Variants in SFSWAP observed in about 807,000 individuals in gnomAD.
SFSWAP encodes splicing factor SWAP.
SFSWAP carries 17 observed loss-of-function variants against 100.7 expected under a neutral mutation model. The ratio of observed to expected loss-of-function variants is 0.17; its 90% CI spans 0.12 to 0.25. The LOEUF (loss-of-function observed/expected upper bound fraction) is 0.25, where lower values mean the gene tolerates loss of function less well. Among genes scored for constraint, SFSWAP ranks in the 10% least tolerant of loss-of-function variants. SFSWAP has a pLI of 1.00. For missense variants in SFSWAP, 1,005 were observed against 1,262.6 expected (o/e 0.80, Z 3.09); for synonymous variants, 504 against 510.1 (o/e 0.99, Z 0.16).
chr12:131,778,131 C>T lies in SFSWAP; in HGVS notation c.2209C>T (p.Pro737Ser), dbSNP rs779217591. 6.2e-7 allele frequency: 1 copy of T among 1,613,998 alleles called. No homozygotes were observed. Among genetic ancestry groups the T allele is most frequent in the South Asian group, 1.1e-5 (1 of 91,082 alleles). ...GRPLPTLEVK[P>S]PDRPSSKSKD... ...GCCTCTGCCTACTTTAGAAGTTAAA[C>T]CACCCGATAGGCCTTCGAGCAAAAG... Residue 737 changes from proline to serine, a missense_variant, in exon 14 of 18, where the codon CCA becomes TCA. By Grantham distance (74) the Pro-to-Ser change is moderately conservative. This residue lies in a region of SFSWAP where 295 missense variants were observed against 347.9 expected (regional missense o/e 0.85). Transcript: ENST00000261674. This position sits in a 1 kb window ranked among gnomAD's most constrained non-coding sequence, Gnocchi z 4.2.
chr12:131,781,684 G>A (rs899940305), intron 14 of SFSWAP, among the ~76,000 whole-genome samples: 14 of 152,046 alleles, frequency 9.2e-5, no homozygotes, highest in Non-Finnish European at 1.8e-4. Context: ...ATTTTAATCC[G>A]ACCTACGTTT....
intron 16 of SFSWAP, among the ~76,000 whole-genome samples, chr12:131,797,964 C>T (rs894964876): frequency 2.6e-5 from 4 of 152,218 alleles, no homozygotes; most frequent in African/African-American, 7.2e-5. Context: ...ATGGGAGTAA[C>T]GCGCAACTGT....
Position 131,734,800 on chromosome 12 carries a change from C to T in SFSWAP, c.1081+6372C>T, listed in dbSNP as rs1593126621. Among the ~76,000 whole-genome samples the T allele has an allele frequency of 6.6e-6, 1 of 152,256 alleles. No homozygotes were observed. The highest frequency in any genetic ancestry group is 3.4e-3 in the Middle Eastern group (1 of 294). ...GAGATGAACGAGCTCTCCCTGCGTG[C>T]GCACGTCTACGTACGCTCGTGTATG... is the stretch of plus-strand genomic sequence containing the variant. On this transcript the variant is annotated intron_variant, in intron 7 of 17. Coordinates refer to ENST00000261674, the MANE Select transcript of SFSWAP (RefSeq NM_004592.4). The surrounding 1 kb of genome is among the most constrained non-coding windows in gnomAD (Gnocchi z 4.9).
intron 11 of SFSWAP, among the ~76,000 whole-genome samples, chr12:131,760,963 T>G (rs991747988): frequency 1.3e-5 from 2 of 152,102 alleles, no homozygotes; most frequent in African/African-American, 4.8e-5. Context: ...TCCCAGCTAA[T>G]CAGGAGGCTG....
intron 4 of SFSWAP, chr12:131,723,252 C>T (rs1178677247): frequency 6.6e-6 from 1 of 152,148 alleles, no homozygotes; most frequent in Non-Finnish European, 1.5e-5. Context: ...TGTTCAGATT[C>T]GTAAGGACTC....
chr12:131,744,875 C>T (rs1004799495), intron 7 of SFSWAP, among the ~76,000 whole-genome samples: 2 of 152,192 alleles, frequency 1.3e-5, no homozygotes, highest in Non-Finnish European at 2.9e-5. Context: ...ACATGGATGG[C>T]AGCAGGCAAA....
chr12:131,739,436 A>G (rs1880380597), intron 7 of SFSWAP, among the ~76,000 whole-genome samples: 1 of 150,824 alleles, frequency 6.6e-6, no homozygotes, highest in Non-Finnish European at 1.5e-5. Context: ...GACAGTCAAT[A>G]TACTATATTT....
At chr12:131,762,244 C>CA (rs1000032574) in intron 11 of SFSWAP, among the ~76,000 whole-genome samples, 4 of 149,424 alleles carry the variant, frequency 2.7e-5, no homozygotes, top group Non-Finnish European at 4.5e-5. Flanking sequence ...AAAAAAAAAA[C>CA]AAAAAAAAAG....
intron 11 of SFSWAP, among the ~76,000 whole-genome samples, chr12:131,762,085 T>G (rs1031932609): frequency 1.3e-5 from 2 of 152,054 alleles, no homozygotes; most frequent in African/African-American, 4.8e-5. Flanking sequence ...TACAAAAAAT[T>G]AGCTGGGCAT....
At chr12:131,766,038 T>C (rs1883089928) in intron 12 of SFSWAP, 80 bp from the exon 13 acceptor site, 1 of 1,428,950 alleles carries the variant, frequency 7.0e-7, no homozygotes, top group Non-Finnish European at 9.5e-7. Flanking sequence ...TGTATGACAC[T>C]TTTGCAACCT....
Position 131,754,214 on chromosome 12 carries a change from G to A in SFSWAP, c.1323-154G>A, listed in dbSNP as rs368424503. Among the ~76,000 whole-genome samples, 9 of 152,082 alleles carry A rather than the reference G, an allele frequency of 5.9e-5. No homozygotes were observed. The South Asian group carries it at 6.2e-4, about 11-fold the overall frequency. The stretch of plus-strand genomic sequence containing the variant: ...TGTCTAGTTGACTTTAGTTTCTGTC[G>A]TGTGCATCACCTTCAACAAGAGCCT... On this transcript the variant is annotated intron_variant, in intron 8 of 17. Coordinates refer to ENST00000261674, the MANE Select transcript of SFSWAP (RefSeq NM_004592.4).
At chr12:131,750,455 A>G (rs1881518806) in intron 7 of SFSWAP, among the ~76,000 whole-genome samples, 1 of 152,188 alleles carries the variant, frequency 6.6e-6, no homozygotes, top group Non-Finnish European at 1.5e-5. Context: ...GGAAGAGGTG[A>G]CAGCAGCAGT....
chr12:131,788,178 C>T (rs1031651092), intron 15 of SFSWAP, among the ~76,000 whole-genome samples: 10 of 152,204 alleles, frequency 6.6e-5, no homozygotes, highest in East Asian at 5.8e-4. Flanking sequence ...AGAGAGACCT[C>T]GTGTGAGCAA....
At chr12:131,751,522 G>C (rs181586346) in intron 7 of SFSWAP, among the ~76,000 whole-genome samples, 16 of 152,362 alleles carry the variant, frequency 1.1e-4, no homozygotes, top group Admixed American at 9.1e-4. Flanking sequence ...TGGAGTGCTG[G>C]CTTCGCCCTG....
intron 13 of SFSWAP, among the ~76,000 whole-genome samples, chr12:131,774,500 T>C (rs760591699): frequency 8.5e-5 from 13 of 152,164 alleles, no homozygotes; most frequent in Admixed American, 2.0e-4. Flanking sequence ...TCAGAAGTTA[T>C]TTGCTTTGTC....
intron 7 of SFSWAP, among the ~76,000 whole-genome samples, chr12:131,731,123 A>G (rs997279281): frequency 2.0e-5 from 3 of 152,210 alleles, no homozygotes; most frequent in Non-Finnish European, 4.4e-5. Flanking sequence ...AAGAAGAGCC[A>G]AGAGCTAGAA....
chr12:131,793,953 T>A (rs1850474444), intron 15 of SFSWAP, among the ~76,000 whole-genome samples: 1 of 152,030 alleles, frequency 6.6e-6, no homozygotes. Context: ...TCTCAGACAC[T>A]GGATTGGGAA....
chr12:131,775,468 A>G (rs1467067706), intron 13 of SFSWAP, among the ~76,000 whole-genome samples: 1 of 152,096 alleles, frequency 6.6e-6, no homozygotes, highest in Non-Finnish European at 1.5e-5. Flanking sequence ...GGCCGTGGAT[A>G]CTGGCATTTT....
At position 131,711,593 on chromosome 12, in the gene SFSWAP, C is replaced by T. The variant is rs1003671334; in HGVS notation, c.218+146C>T. Reference sequence around the variant, plus strand: ...ACCCCCTCCCCTGTCCCCACCTCCTCCTGGTGTTCTGGTGGGGAGGGGGAC... The same window carrying T: ...ACCCCCTCCCCTGTCCCCACCTCCTTCTGGTGTTCTGGTGGGGAGGGGGAC... On this transcript the variant is annotated intron_variant, in intron 1 of 17. Transcript: ENST00000261674. The surrounding 1 kb of genome is among the most constrained non-coding windows in gnomAD (Gnocchi z 4.9). The T allele has an allele frequency of 1.5e-6, 1 of 667,966 alleles. No individual in the cohort carries two copies. The highest frequency in any genetic ancestry group is 1.8e-5 in the African/African-American group (1 of 55,460). The allele number at this position is 667,966 out of a possible 1,614,324, so 41.4% of individuals were successfully genotyped here. A position where few individuals can be genotyped will look rare whatever the true frequency, so the allele number is the denominator to read the frequency against.
Sources: gnomAD v4.1 joint callset for allele counts (sites outside exome capture counted in the v4.1 genomes callset) on GRCh38, gnomAD v4.1.1 for gene constraint, gnomAD v4.1.1 regional missense constraint, Gnocchi (gnomAD v3.1) non-coding constraint, MANE v1.5 for transcripts, NCBI Gene and HGNC (gene_info 2026-07-23, HGNC 2026-07-21) for gene names.